Variants in ZBTB7C observed in about 807,000 individuals in gnomAD.
ZBTB7C encodes zinc finger and BTB domain-containing protein 7C.
A neutral mutation model predicts 25.7 loss-of-function variants in ZBTB7C; 8 were observed. The ratio of observed to expected loss-of-function variants is 0.31; its 90% CI spans 0.18 to 0.56. The LOEUF is 0.56. Among genes scored for constraint, ZBTB7C ranks in the 20% least tolerant of loss-of-function variants. ZBTB7C has a pLI of 0.91. For synonymous variants in ZBTB7C, 394 were observed against 369.0 expected, an observed-to-expected ratio of 1.07 and a Z score of -0.78; for missense variants, 824 against 855.2, an observed-to-expected ratio of 0.96 and a Z score of 0.46.
chr18:48,277,543 A>C (rs1240301202), intron 2 of ZBTB7C, among the ~76,000 whole-genome samples: 1 of 152,258 alleles, frequency 6.6e-6, no homozygotes, highest in Non-Finnish European at 1.5e-5. Flanking sequence ...TTGAGAATTT[A>C]AACTTCACAG....
At chr18:48,333,564 T>A (rs1232887231) in intron 2 of ZBTB7C, among the ~76,000 whole-genome samples, 1 of 152,218 alleles carries the variant, frequency 6.6e-6, no homozygotes, top group Admixed American at 6.5e-5. Flanking sequence ...AATAACCTTA[T>A]CCAAATGTGC....
chr18:48,303,205 A>G lies in ZBTB7C; in HGVS notation c.-79+34969T>C, dbSNP rs148624529. Among the ~76,000 whole-genome samples the G allele has an allele frequency of 3.1e-4, 47 of 152,332 alleles. No homozygotes were observed. The East Asian group carries it at 8.9e-3, about 29-fold the overall frequency. ...GTCTTGCTCCTTGACTTGATCTCTC[A>G]TGAGAGTGGAGGAGCCAGAAGAAGG... On this transcript the variant is annotated intron_variant, in intron 2 of 4. Coordinates refer to ENST00000590800, the MANE Select transcript of ZBTB7C (RefSeq NM_001318841.2).
At chr18:48,167,605 T>TGA (rs199586468) in intron 3 of ZBTB7C, among the ~76,000 whole-genome samples, 3 of 149,632 alleles carry the variant, frequency 2.0e-5, no homozygotes, top group East Asian at 3.9e-4. Context: ...TGTGCGCGCG[T>TGA]GCACACGCGC....
intron 1 of ZBTB7C, among the ~76,000 whole-genome samples, chr18:48,356,036 G>T (rs1051450051): frequency 1.4e-5 from 2 of 142,354 alleles, no homozygotes; most frequent in Admixed American, 7.2e-5. Context: ...CAGAAGTCTT[G>T]AATCAGATGC....
At chr18:48,336,908 C>T (rs1358633595) in intron 2 of ZBTB7C, among the ~76,000 whole-genome samples, 1 of 152,174 alleles carries the variant, frequency 6.6e-6, no homozygotes, top group East Asian at 1.9e-4. Flanking sequence ...TTTAAGCCAG[C>T]TCCCTAGCTC....
intron 3 of ZBTB7C, among the ~76,000 whole-genome samples, chr18:48,100,197 A>G (rs1388235731): frequency 6.6e-6 from 1 of 152,196 alleles, no homozygotes; most frequent in Non-Finnish European, 1.5e-5. Flanking sequence ...AATTGGAAAT[A>G]ATTTAGTGGA....
intron 2 of ZBTB7C, among the ~76,000 whole-genome samples, chr18:48,306,031 G>A (rs912292352): frequency 6.6e-6 from 1 of 152,190 alleles, no homozygotes; most frequent in South Asian, 2.1e-4. Context: ...GATTGCAACC[G>A]CCAAGGTTTT....
intron 3 of ZBTB7C, chr18:48,165,365 G>T: frequency 2.6e-6 from 1 of 382,236 alleles, no homozygotes; most frequent in South Asian, 1.9e-5. Context: ...TGATGAGCAA[G>T]AATCGCCCTG....
chr18:48,048,311 C>T (rs1179474483), intron 3 of ZBTB7C, among the ~76,000 whole-genome samples: 2 of 152,318 alleles, frequency 1.3e-5, no homozygotes, highest in Admixed American at 1.3e-4. Flanking sequence ...TGCTCTACAT[C>T]ATTTGAATCC....
At chr18:48,120,946 C>T (rs1176573006) in intron 3 of ZBTB7C, among the ~76,000 whole-genome samples, 3 of 152,206 alleles carry the variant, frequency 2.0e-5, no homozygotes, top group Non-Finnish European at 4.4e-5. Context: ...TGCAGGAGGC[C>T]GACTGATTTT....
chr18:48,392,653 C>T (rs2047928990), intron 1 of ZBTB7C, among the ~76,000 whole-genome samples: 2 of 152,184 alleles, frequency 1.3e-5, no homozygotes, highest in African/African-American at 2.4e-5. Context: ...GAATCTCTCC[C>T]CTATCCCACA....
At chr18:48,102,083 C>T (rs2038852201) in intron 3 of ZBTB7C, among the ~76,000 whole-genome samples, 1 of 152,198 alleles carries the variant, frequency 6.6e-6, no homozygotes, top group Non-Finnish European at 1.5e-5. Context: ...CTGACAACTT[C>T]TGACATTGAG....
Position 48,029,239 on chromosome 18 carries a change from C to T in ZBTB7C, c.*21G>A, listed in dbSNP as rs1214002337. The T allele has an allele frequency of 6.5e-7, 1 of 1,526,956 alleles. No individual in the cohort carries two copies. The highest frequency in any genetic ancestry group is 1.2e-5 in the South Asian group (1 of 82,306). 94.6% of individuals were successfully genotyped at this position (1,526,956 alleles called of 1,614,324 possible). A position where few individuals can be genotyped will look rare whatever the true frequency, so the allele number is the denominator to read the frequency against. On this transcript the variant is annotated 3_prime_UTR_variant, in exon 5 of 5. Transcript: ENST00000590800. ...GGAGAAGGACTGGAGGGCTGGTGGG[C>T]TGGAGCCGACAGGGACCAGCCTAGT...
chr18:48,157,690 A>C (rs1198211574), intron 3 of ZBTB7C, among the ~76,000 whole-genome samples: 1 of 152,170 alleles, frequency 6.6e-6, no homozygotes, highest in Non-Finnish European at 1.5e-5. Context: ...CAAATGCTTT[A>C]GTCTCTCTCT....
At chr18:48,274,200 A>G in intron 2 of ZBTB7C, among the ~76,000 whole-genome samples, 1 of 152,132 alleles carries the variant, frequency 6.6e-6, no homozygotes, top group South Asian at 2.1e-4. Flanking sequence ...TTTTTCTGCT[A>G]CTCCAGACTA....
chr18:48,370,650 T>A lies in ZBTB7C; in HGVS notation c.-303-32252A>T, dbSNP rs555770866. ...ATCTACAATTATTGCAAAATAATAA[T>A]CTTAATGAAAAAAAAATCCCTCCCA... On this transcript the variant is annotated intron_variant, in intron 1 of 4. Coordinates refer to ENST00000590800, the MANE Select transcript of ZBTB7C (RefSeq NM_001318841.2). Among the ~76,000 whole-genome samples, 4 of 152,236 alleles carry A rather than the reference T, an allele frequency of 2.6e-5. No individual in the cohort carries two copies. In the East Asian group the frequency reaches 7.7e-4, roughly 29 times the overall value.
chr18:48,378,760 T>C (rs539429490), intron 1 of ZBTB7C, among the ~76,000 whole-genome samples: 2 of 152,244 alleles, frequency 1.3e-5, no homozygotes, highest in Admixed American at 6.5e-5. Flanking sequence ...AACAGAATGC[T>C]ATAAAATGAA....
intron 2 of ZBTB7C, among the ~76,000 whole-genome samples, chr18:48,254,280 G>A (rs1016199245): frequency 1.2e-4 from 18 of 152,290 alleles, no homozygotes; most frequent in Admixed American, 2.6e-4. Flanking sequence ...TCAAAATGGC[G>A]GTTCCATCTT....
At position 48,077,047 on chromosome 18, in the gene ZBTB7C, A is replaced by G. The variant is rs903933216; in HGVS notation, c.-16-35924T>C. 14 of 767,490 alleles carry G rather than the reference A, an allele frequency of 1.8e-5. No individual in the cohort carries two copies. In the African/African-American group the frequency reaches 3.3e-4, roughly 18 times the overall value. 47.5% of individuals were successfully genotyped at this position (767,490 alleles called of 1,614,324 possible). ...GGAAGAGAATAGAAAGAAATGCACA[A>G]TATGTTGTTATATGCAAAAAAAAAA... On this transcript the variant is annotated intron_variant, in intron 3 of 4. Coordinates refer to ENST00000590800, the MANE Select transcript of ZBTB7C (RefSeq NM_001318841.2).
Sources: allele counts gnomAD v4.1 joint callset (sites outside exome capture counted in the v4.1 genomes callset), GRCh38; gene constraint gnomAD v4.1.1; transcripts MANE v1.5; gene names NCBI Gene and HGNC (gene_info 2026-07-23, HGNC 2026-07-21).